Variants in IGF2BP2 observed in about 807,000 individuals in gnomAD.
IGF2BP2 encodes insulin like growth factor 2 mRNA binding protein 2.
A neutral mutation model predicts 75.8 loss-of-function variants in IGF2BP2; 17 were observed. That is an observed-to-expected ratio of 0.22 (90% CI 0.15 to 0.34). The LOEUF is 0.34. Ranked by LOEUF, IGF2BP2 falls within the 10% of genes least tolerant of loss-of-function variation. The probability of loss-of-function intolerance (pLI) is 1.00; values close to 1 mark genes in which losing one functional copy is unlikely to be tolerated. For missense variants in IGF2BP2, 516 were observed against 772.4 expected, an observed-to-expected ratio of 0.67 and a Z score of 3.93; for synonymous variants, 288 against 295.6, an observed-to-expected ratio of 0.97 and a Z score of 0.26.
intron 2 of IGF2BP2, among the ~76,000 whole-genome samples, chr3:185,708,934 G>T (rs1050305709): frequency 6.6e-6 from 1 of 152,212 alleles, no homozygotes; most frequent in African/African-American, 2.4e-5. Context: ...AAAACCAAAA[G>T]CATTTTCCTT....
At chr3:185,804,929 C>G (rs1420328989) in intron 2 of IGF2BP2, among the ~76,000 whole-genome samples, 1 of 150,534 alleles carries the variant, frequency 6.6e-6, no homozygotes, top group African/African-American at 2.4e-5. Flanking sequence ...GGAGGCGGAG[C>G]TTGCAGTGAG....
chr3:185,822,991 A>T (rs1741556172), intron 2 of IGF2BP2, among the ~76,000 whole-genome samples, 162 bp downstream of exon 2: 1 of 142,032 alleles, frequency 7.0e-6, no homozygotes, highest in Non-Finnish European at 1.5e-5. Flanking sequence ...TAATGAAAGT[A>T]AAAAAAAAAA....
intron 2 of IGF2BP2, among the ~76,000 whole-genome samples, chr3:185,792,455 ATT>A (rs796617553): frequency 0.015 from 2,183 of 148,730 alleles, 46 homozygotes; most frequent in African/African-American, 0.049. Context: ...GAATACAAAA[ATT>A]ATTTTTTTTT....
rs144339025 is a variant in IGF2BP2, at chr3:185,713,115, ATG to A, written c.240-14770_240-14769del. On this transcript the variant is annotated intron_variant, in intron 2 of 15. Transcript: ENST00000382199. ...GTGTGTGTGTGTGCAAGAGACATAT[ATG>A]TGTGTGTGTGTGTCTTGGTGTAATA... 4.1e-3 allele frequency: 1,139 copies of A among 275,280 alleles called. 5 individuals are homozygous for A. Among genetic ancestry groups the A allele is most frequent in the East Asian group, 0.017 (202 of 12,122 alleles). The allele number at this position is 275,280 out of a possible 1,614,324, so 17.1% of individuals were successfully genotyped here.
At chr3:185,692,892 C>T in intron 4 of IGF2BP2, 130 bp from the exon 5 acceptor site, 1 of 724,354 alleles carries the variant, frequency 1.4e-6, no homozygotes, top group South Asian at 1.7e-5. Flanking sequence ...TTATCTGCAT[C>T]TCTACGTTTA....
chr3:185,720,068 A>AG (rs375653323), intron 2 of IGF2BP2, among the ~76,000 whole-genome samples: 349 of 152,310 alleles, frequency 2.3e-3, no homozygotes, highest in African/African-American at 8.0e-3. Flanking sequence ...ATTCTCCCCC[A>AG]GGCAACCTTC....
chr3:185,707,916 G>A (rs572429153), intron 2 of IGF2BP2, among the ~76,000 whole-genome samples: 103 of 152,286 alleles, frequency 6.8e-4, no homozygotes, highest in African/African-American at 2.2e-3. Flanking sequence ...CAAGGGCTTC[G>A]CTGAACACTA....
intron 10 of IGF2BP2, among the ~76,000 whole-genome samples, chr3:185,659,253 TGA>T (rs1392106810): frequency 6.7e-6 from 1 of 148,570 alleles, no homozygotes. Context: ...AGAGAGTGAC[TGA>T]GAGAGGAGAG....
Position 185,644,912 on chromosome 3 carries a change from C to T in IGF2BP2, c.*619G>A, listed in dbSNP as rs2149015294. The T allele has an allele frequency of 6.6e-6, 1 of 152,438 alleles. No individual in the cohort carries two copies. Among genetic ancestry groups the T allele is most frequent in the East Asian group, 1.9e-4 (1 of 5,160 alleles). The allele number at this position is 152,438 out of a possible 1,614,324, so 9.4% of individuals were successfully genotyped here. A position where few individuals can be genotyped will look rare whatever the true frequency, so the allele number is the denominator to read the frequency against. ...TCTGGGTGAATTTTGTGCGGGTGGC[C>T]TCAAAGCTCCTCTCTACACCGTGAG... On this transcript the variant is annotated 3_prime_UTR_variant, in exon 16 of 16. Transcript: ENST00000382199.
intron 2 of IGF2BP2, among the ~76,000 whole-genome samples, chr3:185,735,349 T>C (rs1728722423): frequency 6.6e-6 from 1 of 152,138 alleles, no homozygotes; most frequent in Non-Finnish European, 1.5e-5. Flanking sequence ...TTTCGCTGTG[T>C]TGGCCAGGCT....
intron 2 of IGF2BP2, among the ~76,000 whole-genome samples, chr3:185,718,757 C>G (rs1283540185): frequency 3.4e-5 from 5 of 148,528 alleles, no homozygotes; most frequent in African/African-American, 9.9e-5. Context: ...AGGGTTAAAT[C>G]TGAGTGGAAA....
intron 2 of IGF2BP2, among the ~76,000 whole-genome samples, chr3:185,746,779 T>C (rs1730304644): frequency 6.6e-6 from 1 of 152,240 alleles, no homozygotes; most frequent in Non-Finnish European, 1.5e-5. Context: ...GGGATTCCTG[T>C]AGAAGTTATC....
intron 4 of IGF2BP2, among the ~76,000 whole-genome samples, chr3:185,695,185 C>T: frequency 6.6e-6 from 1 of 152,130 alleles, no homozygotes; most frequent in East Asian, 1.9e-4. Context: ...AGCTCTTTCC[C>T]TTCACCTTTG....
At chr3:185,690,968 A>G (rs1721868595) in intron 5 of IGF2BP2, among the ~76,000 whole-genome samples, 2 of 152,220 alleles carry the variant, frequency 1.3e-5, no homozygotes, top group South Asian at 4.1e-4. Context: ...AAAGCAATAG[A>G]GTAATATCAT....
intron 2 of IGF2BP2, among the ~76,000 whole-genome samples, chr3:185,775,937 G>A (rs1257671360): frequency 1.3e-5 from 2 of 152,202 alleles, no homozygotes; most frequent in Non-Finnish European, 2.9e-5. Flanking sequence ...AGCATGTTTG[G>A]AATTGGAAAC....
chr3:185,815,578 A>G (rs533410747), intron 2 of IGF2BP2, among the ~76,000 whole-genome samples: 1 of 152,328 alleles, frequency 6.6e-6, no homozygotes, highest in African/African-American at 2.4e-5. Context: ...AGCCTAGTCC[A>G]GTGCCTAGCA....
chr3:185,649,308 G>A, intron 14 of IGF2BP2, 95 bp downstream of exon 14: 1 of 1,501,818 alleles, frequency 6.7e-7, no homozygotes, highest in Non-Finnish European at 9.1e-7. Flanking sequence ...CTGTACATTG[G>A]GACAGAAGGC....
chr3:185,755,951 G>A (rs1731562574), intron 2 of IGF2BP2, among the ~76,000 whole-genome samples: 1 of 152,176 alleles, frequency 6.6e-6, no homozygotes, highest in Non-Finnish European at 1.5e-5. Context: ...ATTGTATTTT[G>A]CAATGTGAGA....
chr3:185,708,801 G>A (rs1322110589), intron 2 of IGF2BP2, among the ~76,000 whole-genome samples: 6 of 152,144 alleles, frequency 3.9e-5, no homozygotes, highest in African/African-American at 4.8e-5. Context: ...GAACATTCAC[G>A]TGTGCTTGAG....
Sources: allele counts gnomAD v4.1 joint callset (sites outside exome capture counted in the v4.1 genomes callset), GRCh38; gene constraint gnomAD v4.1.1; transcripts MANE v1.5; gene names NCBI Gene and HGNC (gene_info 2026-07-23, HGNC 2026-07-21).